EPHB1: variants seen among roughly 807,000 people sequenced by gnomAD.
EPHB1 encodes the protein ephrin type-B receptor 1.
EPHB1 carries 30 observed loss-of-function variants against 94.4 expected under a neutral mutation model. That is an observed-to-expected ratio of 0.32 (90% CI 0.24 to 0.43). EPHB1 has a LOEUF of 0.43. EPHB1 is among the 20% of genes least tolerant of loss of function. The probability of loss-of-function intolerance (pLI) is 1.00; values close to 1 mark genes in which losing one functional copy is unlikely to be tolerated. For missense variants in EPHB1, 1,055 were observed against 1,308.3 expected (o/e 0.81, Z 2.99); for synonymous variants, 522 against 489.1 (o/e 1.07, Z -0.89).
At chr3:134,990,950 C>A (rs1317898593) in intron 3 of EPHB1, among the ~76,000 whole-genome samples, 8 of 152,036 alleles carry the variant, frequency 5.3e-5, no homozygotes, top group Non-Finnish European at 2.9e-5. Context: ...TTATTGAATT[C>A]TTTTGGAAGT....
intron 1 of EPHB1, among the ~76,000 whole-genome samples, chr3:134,861,514 G>A (rs2037257903): frequency 6.6e-6 from 1 of 152,148 alleles, no homozygotes; most frequent in African/African-American, 2.4e-5. Context: ...AGCTAGAGGA[G>A]GCAGACGGAT....
intron 3 of EPHB1, among the ~76,000 whole-genome samples, chr3:135,052,428 C>T (rs1429867618): frequency 2.6e-5 from 4 of 151,978 alleles, no homozygotes; most frequent in Non-Finnish European, 4.4e-5. Flanking sequence ...ACAATGTTTG[C>T]TTTTTATTTA....
At chr3:135,078,953 G>A (rs1355784058) in intron 3 of EPHB1, among the ~76,000 whole-genome samples, 1 of 152,088 alleles carries the variant, frequency 6.6e-6, no homozygotes, top group East Asian at 1.9e-4. Context: ...CTCATTGGGA[G>A]GTCATTGGGA....
chr3:134,903,207 C>T (rs2038240440), intron 1 of EPHB1, among the ~76,000 whole-genome samples: 1 of 152,184 alleles, frequency 6.6e-6, no homozygotes, highest in African/African-American at 2.4e-5. Flanking sequence ...TGGCTCCGTG[C>T]CAAGCTGGGG....
At chr3:135,109,019 CA>C (rs1939336722) in intron 4 of EPHB1, among the ~76,000 whole-genome samples, 1 of 152,172 alleles carries the variant, frequency 6.6e-6, no homozygotes, top group Admixed American at 6.5e-5. Context: ...GGGGAAGGTG[CA>C]GCCCCACCAG....
intron 1 of EPHB1, among the ~76,000 whole-genome samples, chr3:134,861,198 T>G (rs1285119997): frequency 6.6e-6 from 1 of 151,968 alleles, no homozygotes; most frequent in African/African-American, 2.4e-5. Flanking sequence ...GTGACATTAG[T>G]GTTGGGGGGC....
chr3:134,802,086 G>A (rs1358083310), intron 1 of EPHB1, among the ~76,000 whole-genome samples: 1 of 152,168 alleles, frequency 6.6e-6, no homozygotes, highest in African/African-American at 2.4e-5. Context: ...TTATGGTAGA[G>A]AGAGTAGCAG....
chr3:135,238,435 G>A (rs1275416372), intron 12 of EPHB1, among the ~76,000 whole-genome samples: 1 of 152,156 alleles, frequency 6.6e-6, no homozygotes, highest in Non-Finnish European at 1.5e-5. Context: ...CCTTGCCGTG[G>A]GCCAGGCACT....
intron 1 of EPHB1, among the ~76,000 whole-genome samples, chr3:134,890,106 A>G (rs2037947438): frequency 6.6e-6 from 1 of 151,996 alleles, no homozygotes; most frequent in Non-Finnish European, 1.5e-5. Flanking sequence ...GGAAGCCCCC[A>G]TCCACCTCTC....
chr3:135,033,268 C>T lies in EPHB1; in HGVS notation c.806-73180C>T, dbSNP rs898132138. On this transcript the variant is annotated intron_variant, in intron 3 of 15. Transcript: ENST00000398015. ...TTCGGCTTAAAGACAGAGAGACAGT[C>T]TCAGAGAACCCAGGCCATGGTCATC... is the stretch of plus-strand genomic sequence containing the variant. Among the ~76,000 whole-genome samples the T allele has an allele frequency of 2.6e-5, 4 of 152,124 alleles. 1 individual carries two copies. The highest frequency in any genetic ancestry group is 3.2e-3 in the Middle Eastern group (1 of 316).
chr3:135,241,991 T>C (rs1943795908), intron 13 of EPHB1, among the ~76,000 whole-genome samples: 1 of 152,100 alleles, frequency 6.6e-6, no homozygotes, highest in Admixed American at 6.5e-5. Context: ...AAGAGATGGG[T>C]CATCTAACAT....
At chr3:135,222,037 T>C (rs909128212) in intron 12 of EPHB1, among the ~76,000 whole-genome samples, 1 of 152,210 alleles carries the variant, frequency 6.6e-6, no homozygotes, top group Non-Finnish European at 1.5e-5. Flanking sequence ...ATTTCACCAA[T>C]GTGATGCAAA....
At chr3:134,839,024 AT>A (rs1407073325) in intron 1 of EPHB1, among the ~76,000 whole-genome samples, 2 of 152,216 alleles carry the variant, frequency 1.3e-5, no homozygotes, top group Non-Finnish European at 2.9e-5. Flanking sequence ...AAGAACAAAT[AT>A]TTGTACACGA....
chr3:135,203,744 T>C (rs1381264968), intron 12 of EPHB1, among the ~76,000 whole-genome samples: 2 of 152,170 alleles, frequency 1.3e-5, no homozygotes, highest in East Asian at 3.9e-4. Context: ...AATTTGAAAA[T>C]TTTTATTCTA....
At chr3:134,808,364 T>C in intron 1 of EPHB1, among the ~76,000 whole-genome samples, 1 of 152,058 alleles carries the variant, frequency 6.6e-6, no homozygotes, top group East Asian at 1.9e-4. Context: ...CAGGCTTGGG[T>C]CATGTGTCTA....
intron 1 of EPHB1, among the ~76,000 whole-genome samples, chr3:134,810,470 G>T (rs2036149188): frequency 6.6e-6 from 1 of 152,176 alleles, no homozygotes; most frequent in African/African-American, 2.4e-5. Context: ...CGCTATTCAG[G>T]AAAGGACAAT....
chr3:134,988,323 G>T (rs1330255485), intron 3 of EPHB1, among the ~76,000 whole-genome samples: 2 of 152,218 alleles, frequency 1.3e-5, no homozygotes, highest in Admixed American at 1.3e-4. Flanking sequence ...AATGTGAATG[G>T]AATCTGCTGA....
chr3:135,061,372 C>CCA lies in EPHB1; in HGVS notation c.806-45075_806-45074insAC, dbSNP rs1553727879. ...AGCTCCCACTTAGGAATGACCACCC[C>CCA]CCCCGACCCAAGTCCCCAAAGTCCA... On this transcript the variant is annotated intron_variant, in intron 3 of 15. Coordinates refer to ENST00000398015, the MANE Select transcript of EPHB1 (RefSeq NM_004441.5). Among the ~76,000 whole-genome samples, 11 of 130,166 alleles carry CCA rather than the reference C, an allele frequency of 8.5e-5. 1 individual carries two copies. The highest frequency in any genetic ancestry group is 3.8e-3 in the Middle Eastern group (1 of 260). The allele number at this position is 130,166 out of a possible 152,430, so 85.4% of individuals were successfully genotyped here.
chr3:134,871,410 C>G (rs901046060), intron 1 of EPHB1, among the ~76,000 whole-genome samples: 1 of 151,998 alleles, frequency 6.6e-6, no homozygotes, highest in African/African-American at 2.4e-5. Flanking sequence ...GGTGAGGTCC[C>G]CAGGCACTGG....
Sources: gnomAD v4.1 joint callset for allele counts (sites outside exome capture counted in the v4.1 genomes callset) on GRCh38, gnomAD v4.1.1 for gene constraint, MANE v1.5 for transcripts, NCBI Gene and HGNC (gene_info 2026-07-23, HGNC 2026-07-21) for gene names.